BBS9: variants seen among roughly 807,000 people sequenced by gnomAD.
BBS9 encodes the protein protein PTHB1.
BBS9 carries 89 observed loss-of-function variants against 117.7 expected under a neutral mutation model. The observed-to-expected ratio is 0.76, with a 90% CI of 0.64 to 0.90. The LOEUF is 0.90. BBS9 is among the 40% of genes least tolerant of loss of function. BBS9 has a pLI of 0.00. For missense variants in BBS9, 982 were observed against 1,042.2 expected, an observed-to-expected ratio of 0.94 and a Z score of 0.80; for synonymous variants, 379 against 370.9, an observed-to-expected ratio of 1.02 and a Z score of -0.25.
intron 18 of BBS9, among the ~76,000 whole-genome samples, chr7:33,386,791 G>A (rs988602067): frequency 1.3e-5 from 2 of 152,074 alleles, no homozygotes; most frequent in African/African-American, 4.8e-5. Context: ...ACCGTGCCCG[G>A]CCGCTTTCTT....
chr7:33,406,573 C>T (rs1266936664), intron 19 of BBS9, among the ~76,000 whole-genome samples: 12 of 152,008 alleles, frequency 7.9e-5, no homozygotes, highest in South Asian at 4.1e-4. Flanking sequence ...CGGCTAGTAC[C>T]GGTTGTGCCT....
chr7:33,194,085 T>A (rs1330697520), intron 5 of BBS9, among the ~76,000 whole-genome samples: 2 of 152,198 alleles, frequency 1.3e-5, no homozygotes, highest in African/African-American at 4.8e-5. Flanking sequence ...CCTTTCCTGC[T>A]TTTTTCTTTT....
chr7:33,528,667 T>C (rs1187041953), intron 20 of BBS9, among the ~76,000 whole-genome samples: 2 of 152,254 alleles, frequency 1.3e-5, no homozygotes, highest in Non-Finnish European at 2.9e-5. Flanking sequence ...TTTGGCATAA[T>C]GAATAGTGTT....
At chr7:33,263,153 T>A (rs147747261) in intron 6 of BBS9, among the ~76,000 whole-genome samples, 7 of 152,322 alleles carry the variant, frequency 4.6e-5, no homozygotes, top group African/African-American at 1.4e-4. Flanking sequence ...CATCACCTTC[T>A]ATGTCTTGGA....
At chr7:33,365,453 T>C (rs1431392038) in intron 16 of BBS9, among the ~76,000 whole-genome samples, 3 of 152,246 alleles carry the variant, frequency 2.0e-5, no homozygotes, top group African/African-American at 4.8e-5. Flanking sequence ...TTAAGATTGC[T>C]GGTATCCTCA....
intron 21 of BBS9, among the ~76,000 whole-genome samples, chr7:33,547,964 G>C (rs1477180045): frequency 7.2e-5 from 11 of 152,138 alleles, no homozygotes; most frequent in Admixed American, 7.2e-4. Flanking sequence ...GAAGCAATTA[G>C]GAGCAACTGT....
chr7:33,555,041 A>G (rs1399283637), intron 21 of BBS9, among the ~76,000 whole-genome samples: 2 of 152,202 alleles, frequency 1.3e-5, no homozygotes, highest in Non-Finnish European at 2.9e-5. Flanking sequence ...TAAATTTGTA[A>G]CATTTCTCCT....
chr7:33,571,315 T>G (rs1857746120), intron 21 of BBS9, among the ~76,000 whole-genome samples: 1 of 151,960 alleles, frequency 6.6e-6, no homozygotes, highest in Non-Finnish European at 1.5e-5. Context: ...TGTTTTACCA[T>G]TTTGAGGGAA....
intron 19 of BBS9, among the ~76,000 whole-genome samples, chr7:33,494,624 C>G (rs1157602825): frequency 6.6e-6 from 1 of 152,082 alleles, no homozygotes; most frequent in East Asian, 1.9e-4. Flanking sequence ...CTTCCCTTAC[C>G]CAAGTAGTGG....
At chr7:33,468,431 A>G (rs979492796) in intron 19 of BBS9, among the ~76,000 whole-genome samples, 1 of 152,168 alleles carries the variant, frequency 6.6e-6, no homozygotes, top group Non-Finnish European at 1.5e-5. Context: ...TATGGGATAC[A>G]TGTGATATTT....
chr7:33,373,202 T>C (rs1362309766), intron 17 of BBS9, among the ~76,000 whole-genome samples: 2 of 152,110 alleles, frequency 1.3e-5, no homozygotes, highest in Non-Finnish European at 2.9e-5. Flanking sequence ...TTTAGAGCAC[T>C]GAGGAGCGTA....
intron 9 of BBS9, among the ~76,000 whole-genome samples, chr7:33,310,799 T>C (rs1454790537): frequency 1.3e-5 from 2 of 152,232 alleles, no homozygotes; most frequent in African/African-American, 4.8e-5. Flanking sequence ...GAAAGACTTA[T>C]TTGGCTTTTT....
intron 19 of BBS9, among the ~76,000 whole-genome samples, chr7:33,505,000 AAGACTAATAT>A (rs1376723148): frequency 2.6e-5 from 4 of 152,212 alleles, no homozygotes; most frequent in African/African-American, 9.6e-5. Flanking sequence ...GTAGCATCTA[AAGACTAATAT>A]TAGAGGAAAG....
At chr7:33,385,147 G>A (rs1403411700) in intron 18 of BBS9, among the ~76,000 whole-genome samples, 1 of 152,086 alleles carries the variant, frequency 6.6e-6, no homozygotes, top group Non-Finnish European at 1.5e-5. Context: ...GAGAATACTA[G>A]ATACTATTGA....
intron 5 of BBS9, among the ~76,000 whole-genome samples, chr7:33,191,642 C>T (rs1190801232): frequency 2.0e-5 from 3 of 152,140 alleles, no homozygotes; most frequent in Non-Finnish European, 4.4e-5. Flanking sequence ...CAGCCTCATT[C>T]TGGTACAGTG....
chr7:33,408,699 C>T (rs984903728), intron 19 of BBS9, among the ~76,000 whole-genome samples: 1 of 152,070 alleles, frequency 6.6e-6, no homozygotes, highest in Non-Finnish European at 1.5e-5. Context: ...TTTGGTAGAA[C>T]AATTTATTTT....
intron 21 of BBS9, among the ~76,000 whole-genome samples, chr7:33,554,249 A>G (rs1257947500): frequency 6.6e-6 from 1 of 152,162 alleles, no homozygotes; most frequent in African/African-American, 2.4e-5. Context: ...AGTCTTAAGT[A>G]TTACAGACAT....
chr7:33,235,264 T>G (rs919550429), intron 5 of BBS9, among the ~76,000 whole-genome samples: 5 of 152,210 alleles, frequency 3.3e-5, no homozygotes, highest in Non-Finnish European at 5.9e-5. Flanking sequence ...GATTCAGATC[T>G]GAGGTCTTTT....
At chr7:33,521,614 T>G (rs1421447297) in intron 20 of BBS9, among the ~76,000 whole-genome samples, 1 of 125,116 alleles carries the variant, frequency 8.0e-6, no homozygotes, top group African/African-American at 3.1e-5. Context: ...TAAAGCTGAT[T>G]TTTTTCAGTG....
Sources: allele counts gnomAD v4.1 joint callset (sites outside exome capture counted in the v4.1 genomes callset), GRCh38; gene constraint gnomAD v4.1.1; transcripts MANE v1.5; gene names NCBI Gene and HGNC (gene_info 2026-07-23, HGNC 2026-07-21).